ZNF804B: variants seen among roughly 807,000 people sequenced by gnomAD.
ZNF804B encodes zinc finger 804B.
Under a neutral mutation model 101.4 loss-of-function variants are expected in ZNF804B, and 80 were observed. That is an observed-to-expected ratio of 0.79 (90% CI 0.66 to 0.95). The LOEUF (loss-of-function observed/expected upper bound fraction) is 0.95. Ranked by LOEUF, ZNF804B falls within the 40% of genes least tolerant of loss-of-function variation. ZNF804B has a pLI of 0.00. For synonymous variants in ZNF804B, 622 were observed against 558.8 expected (o/e 1.11, Z -1.59); for missense variants, 1,673 against 1,561.9 (o/e 1.07, Z -1.20).
At chr7:89,097,864 G>A (rs892344465) in intron 1 of ZNF804B, among the ~76,000 whole-genome samples, 2 of 152,012 alleles carry the variant, frequency 1.3e-5, no homozygotes, top group African/African-American at 4.8e-5. Context: ...TCCTACAAAT[G>A]CATCACCTGC....
chr7:89,195,603 A>G (rs567764891), intron 1 of ZNF804B, among the ~76,000 whole-genome samples: 2 of 151,946 alleles, frequency 1.3e-5, no homozygotes, highest in African/African-American at 4.8e-5. Context: ...CTTCAAAGAG[A>G]ATAAAATACC....
At chr7:88,950,252 T>C (rs59276995) in intron 1 of ZNF804B, among the ~76,000 whole-genome samples, 3,806 of 152,066 alleles carry the variant, frequency 0.025, 160 homozygotes, top group African/African-American at 0.087. Context: ...CTATCTAAAT[T>C]GTTTATCAGT....
intron 1 of ZNF804B, among the ~76,000 whole-genome samples, chr7:89,077,945 C>A (rs2116308357): frequency 6.6e-6 from 1 of 152,076 alleles, no homozygotes; most frequent in South Asian, 2.1e-4. Flanking sequence ...TTCAGGTTAA[C>A]CAGTTGAAAA....
chr7:89,171,285 G>GCTT lies in ZNF804B; in HGVS notation c.109-46868_109-46867insTCT, dbSNP rs1554373340. Reference sequence around the variant, plus strand: ...TGAAGTAGGCACAAATAATGCTGCTGCTGCTTCTTCTTCTTCTTCTTCTTC... The same window carrying GCTT: ...TGAAGTAGGCACAAATAATGCTGCTGCTTCTGCTTCTTCTTCTTCTTCTTCTTC... On this transcript the variant is annotated intron_variant, in intron 1 of 3. Transcript: ENST00000333190. 9.6e-3 allele frequency among the ~76,000 whole-genome samples: 619 copies of GCTT among 64,440 alleles called. 5 individuals carry two copies. The highest frequency in any genetic ancestry group is 0.015 in the African/African-American group (279 of 18,918). 42.3% of individuals were successfully genotyped at this position (64,440 alleles called of 152,430 possible). A position where few individuals can be genotyped will look rare whatever the true frequency, so the allele number is the denominator to read the frequency against.
chr7:88,811,420 T>C (rs914301493), intron 1 of ZNF804B, among the ~76,000 whole-genome samples: 2 of 152,190 alleles, frequency 1.3e-5, no homozygotes, highest in Admixed American at 6.6e-5. Flanking sequence ...GTTCAGCTAT[T>C]GTGGAAGGCC....
At position 89,002,127 on chromosome 7, in the gene ZNF804B, A is replaced by C. The variant is rs181710901; in HGVS notation, c.109-216028A>C. Among the ~76,000 whole-genome samples, 531 of 151,706 alleles carry C rather than the reference A, an allele frequency of 3.5e-3. 1 individual carries two copies. The highest frequency in any genetic ancestry group is 5.4e-3 in the Non-Finnish European group (367 of 67,756). ...TAACACATATATTTTTAACATTGAGATCAAAAACTAAAACACTGTTAAACT... is the reference window on the plus strand; with the variant it reads ...TAACACATATATTTTTAACATTGAGCTCAAAAACTAAAACACTGTTAAACT... On this transcript the variant is annotated intron_variant, in intron 1 of 3. Transcript: ENST00000333190.
At chr7:89,269,896 C>A (rs1252418073) in intron 2 of ZNF804B, among the ~76,000 whole-genome samples, 2 of 152,114 alleles carry the variant, frequency 1.3e-5, no homozygotes, top group Non-Finnish European at 1.5e-5. Context: ...CCTTTGCCCA[C>A]TTTTTGATGG....
At chr7:89,007,985 C>A (rs2116186559) in intron 1 of ZNF804B, among the ~76,000 whole-genome samples, 1 of 152,152 alleles carries the variant, frequency 6.6e-6, no homozygotes, top group East Asian at 1.9e-4. Flanking sequence ...ATTTGCATTT[C>A]TATGAACAAT....
intron 1 of ZNF804B, among the ~76,000 whole-genome samples, chr7:89,058,935 C>T (rs1308469034): frequency 1.6e-5 from 2 of 123,770 alleles, no homozygotes; most frequent in Non-Finnish European, 1.7e-5. Context: ...TTCAAGTGAT[C>T]TTCGAAGTTT....
At position 89,013,727 on chromosome 7, in the gene ZNF804B, C is replaced by A. The variant is rs1788498515; in HGVS notation, c.109-204428C>A. 2.0e-5 allele frequency among the ~76,000 whole-genome samples: 3 copies of A among 152,116 alleles called. No homozygotes were observed. The South Asian group carries it at 6.2e-4, about 32-fold the overall frequency. ...GTTAGAACGTAGTTCTCCTAACTAG[C>A]TGTAATTTTGTGTCCTTTGACAAAT... On this transcript the variant is annotated intron_variant, in intron 1 of 3. Transcript: ENST00000333190.
chr7:89,302,101 C>G (rs1376839199), intron 2 of ZNF804B, among the ~76,000 whole-genome samples: 2 of 120,498 alleles, frequency 1.7e-5, no homozygotes, highest in African/African-American at 5.6e-5. Context: ...CAAACAATGT[C>G]TTACATGTTC....
intron 1 of ZNF804B, among the ~76,000 whole-genome samples, chr7:88,956,025 C>T (rs1793300152): frequency 6.6e-6 from 1 of 151,432 alleles, no homozygotes; most frequent in South Asian, 2.1e-4. Flanking sequence ...GCAAATAAAC[C>T]ACAACAAGCT....
At chr7:89,098,065 T>C (rs906125274) in intron 1 of ZNF804B, among the ~76,000 whole-genome samples, 3 of 152,128 alleles carry the variant, frequency 2.0e-5, no homozygotes, top group Non-Finnish European at 2.9e-5. Context: ...ACTTTACATA[T>C]AATTTATAAA....
At chr7:88,859,704 G>A (rs1423286572) in intron 1 of ZNF804B, among the ~76,000 whole-genome samples, 2 of 151,772 alleles carry the variant, frequency 1.3e-5, no homozygotes, top group African/African-American at 4.8e-5. Flanking sequence ...GCAGCTAAAT[G>A]TTTCCTCAAG....
At position 89,159,307 on chromosome 7, in the gene ZNF804B, G is replaced by A. The variant is rs181317690; in HGVS notation, c.109-58848G>A. On this transcript the variant is annotated intron_variant, in intron 1 of 3. Coordinates refer to ENST00000333190, the MANE Select transcript of ZNF804B (RefSeq NM_181646.5). ...CTGAAACTTGACGAGGGTATTTGGA[G>A]ATCCTTTGGCTCACAGACCTCTGTA... 5.3e-5 allele frequency among the ~76,000 whole-genome samples: 8 copies of A among 152,292 alleles called. No homozygotes were observed. In the East Asian group the frequency reaches 1.5e-3, roughly 29 times the overall value.
intron 1 of ZNF804B, among the ~76,000 whole-genome samples, chr7:89,022,185 C>A (rs1030591946): frequency 1.4e-4 from 21 of 152,142 alleles, no homozygotes; most frequent in African/African-American, 5.1e-4. Context: ...ACCACAGGGA[C>A]CTCTCATCTC....
At chr7:88,988,828 T>C (rs965818783) in intron 1 of ZNF804B, among the ~76,000 whole-genome samples, 1 of 152,086 alleles carries the variant, frequency 6.6e-6, no homozygotes, top group Non-Finnish European at 1.5e-5. Context: ...AAGAACCTTT[T>C]AAAACGAATT....
intron 2 of ZNF804B, among the ~76,000 whole-genome samples, chr7:89,233,819 G>T (rs1789236177): frequency 6.6e-6 from 1 of 152,028 alleles, no homozygotes; most frequent in African/African-American, 2.4e-5. Context: ...TGTATTTTTA[G>T]TAGAGACAGG....
At chr7:88,824,923 G>C (rs1791032372) in intron 1 of ZNF804B, among the ~76,000 whole-genome samples, 1 of 152,174 alleles carries the variant, frequency 6.6e-6, no homozygotes, top group South Asian at 2.1e-4. Flanking sequence ...TAAAAGTTCT[G>C]AATGGAGAAG....
Sources: allele counts gnomAD v4.1 joint callset (sites outside exome capture counted in the v4.1 genomes callset), GRCh38; gene constraint gnomAD v4.1.1; transcripts MANE v1.5; gene names NCBI Gene and HGNC (gene_info 2026-07-23, HGNC 2026-07-21).